YIPF3: variants seen among roughly 807,000 people sequenced by gnomAD.
YIPF3 encodes the protein protein YIPF3.
In YIPF3, 18 loss-of-function variants were observed where a neutral mutation model predicts 40.3. The observed-to-expected ratio is 0.45, with a 90% CI of 0.31 to 0.66. The LOEUF (loss-of-function observed/expected upper bound fraction) is 0.66, where lower values mean the gene tolerates loss of function less well. Among genes scored for constraint, YIPF3 ranks in the 30% least tolerant of loss-of-function variants. The pLI is 0.07. For synonymous variants in YIPF3, 190 were observed against 179.6 expected, an observed-to-expected ratio of 1.06 and a Z score of -0.46; for missense variants, 406 against 452.2, an observed-to-expected ratio of 0.90 and a Z score of 0.93.
intron 3 of YIPF3, 125 bp downstream of exon 3, chr6:43,515,470 T>G: frequency 1.2e-6 from 1 of 851,648 alleles, no homozygotes; most frequent in Non-Finnish European, 2.0e-6. Flanking sequence ...ACAGGTGCAG[T>G]GATGAGAGGT....
intron 3 of YIPF3, among the ~76,000 whole-genome samples, chr6:43,514,962 A>G (rs1384908305): frequency 6.6e-6 from 1 of 151,922 alleles, no homozygotes; most frequent in Non-Finnish European, 1.5e-5. Flanking sequence ...AGCAGTGGTG[A>G]AGTGCTGTCT....
chr6:43,516,117 G>A lies in YIPF3; in HGVS notation c.82-22C>T, dbSNP rs570951631. ...CGCCCTGTGAAGACAATGGCTCCTA[G>A]AGTGCAGGACTTTTCTGTTCCATCC... On this transcript the variant is annotated intron_variant, in intron 1 of 8. Coordinates refer to ENST00000372422, the MANE Select transcript of YIPF3 (RefSeq NM_015388.4). 2.5e-6 allele frequency: 4 copies of A among 1,613,830 alleles called. No individual in the cohort carries two copies. In the African/African-American group the frequency reaches 5.3e-5, roughly 22 times the overall value.
chr6:43,512,632 C>T, intron 7 of YIPF3, 69 bp from the exon 8 acceptor site: 1 of 1,551,576 alleles, frequency 6.4e-7, no homozygotes, highest in Non-Finnish European at 8.7e-7. Context: ...GACACCCCCA[C>T]CCAGGGCAGA....
intron 1 of YIPF3, 148 bp from the exon 2 acceptor site, chr6:43,516,243 T>C (rs1441840073): frequency 3.4e-6 from 5 of 1,453,386 alleles, no homozygotes; most frequent in Non-Finnish European, 4.5e-6. Context: ...TTCCCCCTCA[T>C]ATGCTCTCAG....
chr6:43,516,855 G>T lies in YIPF3; in HGVS notation c.-48C>A, dbSNP rs1792853997. ...TGAAACCCGCGCTAGCCCCGCGCGC[G>T]GAGTGGGCAAGATGTGGGCCTCCGG... On this transcript the variant is annotated 5_prime_UTR_variant, in exon 1 of 9. Coordinates refer to ENST00000372422, the MANE Select transcript of YIPF3 (RefSeq NM_015388.4). The T allele has an allele frequency of 3.9e-6, 6 of 1,549,956 alleles. No individual in the cohort carries two copies. In the East Asian group the frequency reaches 1.2e-4, roughly 32 times the overall value.
intron 7 of YIPF3, 84 bp from the exon 8 acceptor site, chr6:43,512,647 T>C (rs779599868): frequency 4.3e-5 from 66 of 1,540,526 alleles, no homozygotes; most frequent in Middle Eastern, 2.4e-4. Context: ...GGCAGAACCA[T>C]CTTTGGGCTC....
Position 43,513,082 on chromosome 6 carries a change from A to G in YIPF3, c.653T>C (p.Met218Thr), listed in dbSNP as rs772430437. 6.2e-7 allele frequency: 1 copy of G among 1,614,086 alleles called. No homozygotes were observed. The highest frequency in any genetic ancestry group is 1.7e-5 in the Admixed American group (1 of 60,018). ...LCNAQITMLQ[M>T]LALLGYGLFG... ...CTGGCTCCTTACCAGCAGTGCCAAC[A>G]TCTGCAGCATGGTGATCTGGGCGTT... The change falls in exon 6 of 9, where the codon ATG becomes ACG. Residue 218 changes from methionine to threonine, a missense_variant. Physicochemically the swap from Met to Thr is moderately conservative, Grantham distance 81 (BLOSUM62 -1). Transcript: ENST00000372422.
chr6:43,513,235 C>T, intron 5 of YIPF3, 35 bp from the exon 6 acceptor site: 1 of 1,613,714 alleles, frequency 6.2e-7, no homozygotes, highest in Non-Finnish European at 8.5e-7. Flanking sequence ...TCCTAGGAGG[C>T]CTCTGATCTC....
chr6:43,514,398 C>G (rs1009098063), intron 3 of YIPF3, among the ~76,000 whole-genome samples: 1 of 152,244 alleles, frequency 6.6e-6, no homozygotes, highest in African/African-American at 2.4e-5. Flanking sequence ...AAAACGCCTC[C>G]TCTTCCTGCT....
Position 43,512,095 on chromosome 6 carries a change from G to C in YIPF3, c.*72C>G. ...CCCCATCTACGAAACATGTCATCAGGACTGTCCTTTAATAGTCTTCCTCCT... is the reference window on the plus strand; with the variant it reads ...CCCCATCTACGAAACATGTCATCAGCACTGTCCTTTAATAGTCTTCCTCCT... On this transcript the variant is annotated 3_prime_UTR_variant, in exon 9 of 9. Transcript: ENST00000372422. The C allele has an allele frequency of 5.0e-6, 8 of 1,601,722 alleles. No individual in the cohort carries two copies. The highest frequency in any genetic ancestry group is 6.8e-6 in the Non-Finnish European group (8 of 1,173,300).
rs919603258 is a variant in YIPF3 at position 43,516,839 on chromosome 6, C to T, written c.-32G>A. 8.4e-6 allele frequency: 13 copies of T among 1,555,462 alleles called. No homozygotes were observed. Among genetic ancestry groups the T allele is most frequent in the African/African-American group, 1.4e-5 (1 of 73,088 alleles). On this transcript the variant is annotated 5_prime_UTR_variant, in exon 1 of 9. Transcript: ENST00000372422. ...TGAGGGCTCCCGTCGCTGAAACCCGCGCTAGCCCCGCGCGCGGAGTGGGCA... is the reference window on the plus strand; with the variant it reads ...TGAGGGCTCCCGTCGCTGAAACCCGTGCTAGCCCCGCGCGCGGAGTGGGCA...
chr6:43,513,057 C>T lies in YIPF3; in HGVS notation c.666+12G>A, dbSNP rs368327648. 17 of 1,613,700 alleles carry T rather than the reference C, an allele frequency of 1.1e-5. No individual in the cohort carries two copies. The African/African-American group carries it at 2.3e-4, about 22-fold the overall frequency. On this transcript the variant is annotated intron_variant, in intron 6 of 8. Coordinates refer to ENST00000372422, the MANE Select transcript of YIPF3 (RefSeq NM_015388.4). Reference sequence around the variant, plus strand: ...TTAACATCACTCTTGCCCACCACACCTGGCTCCTTACCAGCAGTGCCAACA... The same window carrying T: ...TTAACATCACTCTTGCCCACCACACTTGGCTCCTTACCAGCAGTGCCAACA...
At position 43,512,162 on chromosome 6, in the gene YIPF3, T is replaced by C. The variant is rs1246512261; in HGVS notation, c.*5A>G. On this transcript the variant is annotated 3_prime_UTR_variant, in exon 9 of 9. Transcript: ENST00000372422. Reference sequence around the variant, plus strand: ...AAGAGGACTGGCCAAGAATTTCAGGTGGGGTCAGTGTGACTGCAGGGTCAC... The same window carrying C: ...AAGAGGACTGGCCAAGAATTTCAGGCGGGGTCAGTGTGACTGCAGGGTCAC... 10 of 1,613,982 alleles carry C rather than the reference T, an allele frequency of 6.2e-6. No individual in the cohort carries two copies. Among genetic ancestry groups the C allele is most frequent in the East Asian group, 4.5e-5 (2 of 44,896 alleles).
chr6:43,516,636 G>A, intron 1 of YIPF3, 91 bp downstream of exon 1: 1 of 1,442,836 alleles, frequency 6.9e-7, no homozygotes, highest in Non-Finnish European at 9.5e-7. Context: ...TAAATGGAGC[G>A]GACTTCCAGG....
Position 43,512,165 on chromosome 6 carries a change from GGTCA to G in YIPF3, c.1051_*1del. 3.1e-6 allele frequency: 5 copies of G among 1,614,230 alleles called. No individual in the cohort carries two copies. The South Asian group carries it at 3.3e-5, about 11-fold the overall frequency. On this transcript the variant is annotated stop_lost and 3_prime_UTR_variant, in exon 9 of 9. Transcript: ENST00000372422. Reference sequence around the variant, plus strand: ...AGGACTGGCCAAGAATTTCAGGTGGGGTCAGTGTGACTGCAGGGTCACCGCAACA... The same window carrying G: ...AGGACTGGCCAAGAATTTCAGGTGGGGTGTGACTGCAGGGTCACCGCAACA...
rs767471709 is a variant in YIPF3, at chr6:43,515,639, G to A, written c.351C>T (p.Ile117=). The part of the protein sequence containing the change: ...RAFSLYANID[I]LRPYFDVEPA... Reference sequence around the variant, plus strand: ...GCTCCACATCAAAGTAGGGTCTGAGGATGTCGATGTTGGCGTACAAGCTGA... The same window carrying A: ...GCTCCACATCAAAGTAGGGTCTGAGAATGTCGATGTTGGCGTACAAGCTGA... Residue 117 remains isoleucine, a synonymous_variant, in exon 3 of 9, where the codon ATC becomes ATT. Transcript: ENST00000372422. The A allele has an allele frequency of 8.1e-6, 13 of 1,613,742 alleles. No individual in the cohort carries two copies. In the East Asian group the frequency reaches 1.3e-4, roughly 17 times the overall value.
At chr6:43,515,563 G>A (rs774008862) in intron 3 of YIPF3, 32 bp downstream of exon 3, 5 of 1,610,104 alleles carry the variant, frequency 3.1e-6, no homozygotes, top group Middle Eastern at 3.9e-4. Context: ...TAGGTGTTAG[G>A]AGGGAAGCTT....
chr6:43,513,930 G>A (rs559275928), intron 3 of YIPF3: 84 of 277,234 alleles, frequency 3.0e-4, no homozygotes, highest in Admixed American at 7.1e-4. Flanking sequence ...CCATGTATCC[G>A]TCTGCCCCCT....
Position 43,512,886 on chromosome 6 carries a change from G to A in YIPF3, c.667-12C>T, listed in dbSNP as rs774774287. 361 of 1,611,598 alleles carry A rather than the reference G, an allele frequency of 2.2e-4. 1 individual carries two copies. The highest frequency in any genetic ancestry group is 2.5e-4 in the Non-Finnish European group (296 of 1,178,536). On this transcript the variant is annotated splice_polypyrimidine_tract_variant and intron_variant, in intron 6 of 8. Transcript: ENST00000372422. ...AAGAGGCCATAGCCCTGGGAAGGAG[G>A]ATGGTGGAGAGGAAAATCATTCAGG...
Sources: gnomAD v4.1 joint callset for allele counts (sites outside exome capture counted in the v4.1 genomes callset) on GRCh38, gnomAD v4.1.1 for gene constraint, MANE v1.5 for transcripts, NCBI Gene and HGNC (gene_info 2026-07-23, HGNC 2026-07-21) for gene names.